WDR25: variants seen among roughly 807,000 people sequenced by gnomAD.
The protein encoded by WDR25 is WD repeat domain 25, also known as WD repeat-containing protein 25.
A neutral mutation model predicts 47.7 loss-of-function variants in WDR25; 35 were observed. That is an observed-to-expected ratio of 0.73 (90% CI 0.56 to 0.97). The LOEUF (loss-of-function observed/expected upper bound fraction) is 0.97. Among genes scored for constraint, WDR25 ranks in the 50% least tolerant of loss-of-function variants. WDR25 has a pLI of 0.00. For synonymous variants in WDR25, 248 were observed against 278.9 expected, an observed-to-expected ratio of 0.89 and a Z score of 1.10; for missense variants, 634 against 704.7, an observed-to-expected ratio of 0.90 and a Z score of 1.14.
intron 2 of WDR25, among the ~76,000 whole-genome samples, chr14:100,435,823 G>A (rs1204946909): frequency 6.6e-6 from 1 of 152,204 alleles, no homozygotes; most frequent in East Asian, 1.9e-4. Context: ...ACACAGTGCT[G>A]TGGATCACCT....
At position 100,473,496 on chromosome 14, in the gene WDR25, C is replaced by T. The variant is rs112684850; in HGVS notation, c.970+5328C>T. 3.9e-5 allele frequency among the ~76,000 whole-genome samples: 6 copies of T among 152,322 alleles called. 1 individual carries two copies. Among genetic ancestry groups the T allele is most frequent in the African/African-American group, 1.4e-4 (6 of 41,562 alleles). On this transcript the variant is annotated intron_variant, in intron 3 of 6. Transcript: ENST00000402312. ...CCTGACTCCTGGGGAGCCTGCTGGG[C>T]AGCAGCTGGCCACCTGCAGAGGATA...
Position 100,530,189 on chromosome 14 carries a change from G to T in WDR25, c.*148G>T. On this transcript the variant is annotated 3_prime_UTR_variant, in exon 7 of 7. Transcript: ENST00000402312. Reference sequence around the variant, plus strand: ...TCAGTTTCCTCATCTGTAAAGTGGGGAGAAAAGTCTGTTTGCCTCAGGAGT... The same window carrying T: ...TCAGTTTCCTCATCTGTAAAGTGGGTAGAAAAGTCTGTTTGCCTCAGGAGT... The T allele has an allele frequency of 1.2e-6, 1 of 831,552 alleles. No homozygotes were observed. Among genetic ancestry groups the T allele is most frequent in the East Asian group, 2.7e-5 (1 of 37,090 alleles). The allele number at this position is 831,552 out of a possible 1,614,324, so 51.5% of individuals were successfully genotyped here. A position where few individuals can be genotyped will look rare whatever the true frequency, so the allele number is the denominator to read the frequency against.
chr14:100,450,780 A>G (rs984239285), intron 2 of WDR25, among the ~76,000 whole-genome samples: 6 of 152,194 alleles, frequency 3.9e-5, no homozygotes, highest in Admixed American at 2.6e-4. Flanking sequence ...ATGTCTTAGG[A>G]TAAGAGAGTA....
intron 2 of WDR25, among the ~76,000 whole-genome samples, chr14:100,422,370 GCT>G (rs1898050432): frequency 6.6e-6 from 1 of 152,142 alleles, no homozygotes; most frequent in African/African-American, 2.4e-5. Flanking sequence ...AAACCAGATT[GCT>G]CTGTGACCCA....
chr14:100,390,757 T>TG (rs1261915532), intron 2 of WDR25, among the ~76,000 whole-genome samples: 1 of 152,146 alleles, frequency 6.6e-6, no homozygotes, highest in Non-Finnish European at 1.5e-5. Context: ...CCGCTCTTTT[T>TG]GGGGGCTGTG....
At position 100,428,055 on chromosome 14, in the gene WDR25, T is replaced by C. The variant is rs1159208318; in HGVS notation, c.823-39966T>C. On this transcript the variant is annotated intron_variant, in intron 2 of 6. Coordinates refer to ENST00000402312, the MANE Select transcript of WDR25 (RefSeq NM_001161476.3). The surrounding 1 kb of genome is among the most constrained non-coding windows in gnomAD (Gnocchi z 4.3). ...GAGACCCTAACACGCTCCCTTTCCT[T>C]TCCTTTTTGAGGGAAGCCAGGTTCC... 6.6e-6 allele frequency among the ~76,000 whole-genome samples: 1 copy of C among 152,236 alleles called. No individual in the cohort carries two copies. The highest frequency in any genetic ancestry group is 1.5e-5 in the Non-Finnish European group (1 of 68,032).
At position 100,488,847 on chromosome 14, in the gene WDR25, T is replaced by G. The variant is rs565088730; in HGVS notation, c.1101+4723T>G. Reference sequence around the variant, plus strand: ...ACGATCACTCTTGATCTGTGGGCACTTTTATCCACAGGTGTTTATTTACAG... The same window carrying G: ...ACGATCACTCTTGATCTGTGGGCACGTTTATCCACAGGTGTTTATTTACAG... On this transcript the variant is annotated intron_variant, in intron 4 of 6. Coordinates refer to ENST00000402312, the MANE Select transcript of WDR25 (RefSeq NM_001161476.3). The surrounding 1 kb of genome is among the most constrained non-coding windows in gnomAD (Gnocchi z 4.2). Among the ~76,000 whole-genome samples the G allele has an allele frequency of 8.5e-5, 13 of 152,354 alleles. No individual in the cohort carries two copies. The East Asian group carries it at 2.3e-3, about 27-fold the overall frequency.
intron 2 of WDR25, among the ~76,000 whole-genome samples, chr14:100,448,794 G>T (rs140840452): frequency 4.6e-5 from 7 of 152,216 alleles, no homozygotes; most frequent in Admixed American, 3.3e-4. Context: ...CTACCTAGCT[G>T]CATGGAGACC....
chr14:100,401,293 C>A (rs915788419), intron 2 of WDR25, among the ~76,000 whole-genome samples: 5 of 152,170 alleles, frequency 3.3e-5, no homozygotes, highest in Non-Finnish European at 7.4e-5. Context: ...CTCGTGGTCT[C>A]AGTCCACATC....
At chr14:100,443,017 G>C (rs534411532) in intron 2 of WDR25, among the ~76,000 whole-genome samples, 106 of 152,362 alleles carry the variant, frequency 7.0e-4, no homozygotes, top group African/African-American at 2.5e-3. Context: ...CGCACTGCTC[G>C]GCAGGCCCCA....
At position 100,529,478 on chromosome 14, in the gene WDR25, T is replaced by G; in HGVS notation, c.1413+270T>G. 1.7e-6 allele frequency: 1 copy of G among 594,428 alleles called. No individual in the cohort carries two copies. Among genetic ancestry groups the G allele is most frequent in the Non-Finnish European group, 3.0e-6 (1 of 336,752 alleles). The allele number at this position is 594,428 out of a possible 1,614,324, so 36.8% of individuals were successfully genotyped here. A position where few individuals can be genotyped will look rare whatever the true frequency, so the allele number is the denominator to read the frequency against. On this transcript the variant is annotated intron_variant, in intron 6 of 6. Coordinates refer to ENST00000402312, the MANE Select transcript of WDR25 (RefSeq NM_001161476.3). The surrounding 1 kb of genome is among the most constrained non-coding windows in gnomAD (Gnocchi z 5.1). Reference sequence around the variant, plus strand: ...AGTGGGGGGCAGGAACAGGACAAAATGGTCATGGGTGTCATTTCTGCATCC... The same window carrying G: ...AGTGGGGGGCAGGAACAGGACAAAAGGGTCATGGGTGTCATTTCTGCATCC...
At position 100,424,114 on chromosome 14, in the gene WDR25, C is replaced by G. The variant is rs1196255884; in HGVS notation, c.822+42368C>G. On this transcript the variant is annotated intron_variant, in intron 2 of 6. Coordinates refer to ENST00000402312, the MANE Select transcript of WDR25 (RefSeq NM_001161476.3). The surrounding 1 kb of genome is among the most constrained non-coding windows in gnomAD (Gnocchi z 4.2). Reference sequence around the variant, plus strand: ...CTGTACCAACCAGATTGGGTATAAACAAGGCATTCATTACCTGTTGTTTTA... The same window carrying G: ...CTGTACCAACCAGATTGGGTATAAAGAAGGCATTCATTACCTGTTGTTTTA... Among the ~76,000 whole-genome samples, 1 of 152,212 alleles carries G rather than the reference C, an allele frequency of 6.6e-6. No homozygotes were observed. Among genetic ancestry groups the G allele is most frequent in the East Asian group, 1.9e-4 (1 of 5,186 alleles).
chr14:100,400,199 ATG>A lies in WDR25; in HGVS notation c.822+18459_822+18460del, dbSNP rs112309744. On this transcript the variant is annotated intron_variant, in intron 2 of 6. Coordinates refer to ENST00000402312, the MANE Select transcript of WDR25 (RefSeq NM_001161476.3). ...GCTTTTTAAGTGACAGAGCTGGGGCATGTGTGTCCTGTACCGCAGTGACATTC... is the reference window on the plus strand; with the variant it reads ...GCTTTTTAAGTGACAGAGCTGGGGCATGTGTCCTGTACCGCAGTGACATTC... Among the ~76,000 whole-genome samples the A allele has an allele frequency of 2.3e-3, 352 of 152,342 alleles. 3 individuals are homozygous for A. Among genetic ancestry groups the A allele is most frequent in the African/African-American group, 8.1e-3 (336 of 41,578 alleles).
chr14:100,462,207 G>A (rs572967705), intron 2 of WDR25, among the ~76,000 whole-genome samples: 4 of 152,282 alleles, frequency 2.6e-5, no homozygotes, highest in South Asian at 2.1e-4. Context: ...ATATGGCACC[G>A]ACAAGTGACT....
intron 2 of WDR25, among the ~76,000 whole-genome samples, chr14:100,414,914 A>G (rs1897827996): frequency 6.6e-6 from 1 of 151,854 alleles, no homozygotes. Context: ...AAAAAAAAAA[A>G]AAAGAAGAAA....
At chr14:100,420,326 G>A (rs1254894530) in intron 2 of WDR25, among the ~76,000 whole-genome samples, 3 of 151,422 alleles carry the variant, frequency 2.0e-5, no homozygotes, top group Non-Finnish European at 2.9e-5. Flanking sequence ...TTTTTTTATC[G>A]TTCTATAGGG....
At position 100,425,236 on chromosome 14, in the gene WDR25, C is replaced by G. The variant is rs1898134614; in HGVS notation, c.823-42785C>G. On this transcript the variant is annotated intron_variant, in intron 2 of 6. Coordinates refer to ENST00000402312, the MANE Select transcript of WDR25 (RefSeq NM_001161476.3). The surrounding 1 kb of genome is among the most constrained non-coding windows in gnomAD (Gnocchi z 4.8). ...GTCCTTGGAGGCTGGTTGTGTCAGC[C>G]CTTCTCCATCCTACCTCCCTTAATG... is the stretch of plus-strand genomic sequence containing the variant. 6.6e-6 allele frequency among the ~76,000 whole-genome samples: 1 copy of G among 152,172 alleles called. No individual in the cohort carries two copies. Among genetic ancestry groups the G allele is most frequent in the Non-Finnish European group, 1.5e-5 (1 of 68,036 alleles).
chr14:100,439,812 A>G (rs6575779), intron 2 of WDR25, among the ~76,000 whole-genome samples: 7,361 of 152,322 alleles, frequency 0.048, 571 homozygotes, highest in African/African-American at 0.17. Flanking sequence ...AATATAATAA[A>G]TGTTATCTTG....
intron 2 of WDR25, among the ~76,000 whole-genome samples, chr14:100,383,083 G>A (rs1595486036): frequency 6.6e-6 from 1 of 152,214 alleles, no homozygotes; most frequent in Non-Finnish European, 1.5e-5. Context: ...GAAGCTCCAA[G>A]TATAGAGATG....
Sources: gnomAD v4.1 joint callset for allele counts (sites outside exome capture counted in the v4.1 genomes callset) on GRCh38, gnomAD v4.1.1 for gene constraint, Gnocchi (gnomAD v3.1) non-coding constraint, MANE v1.5 for transcripts, NCBI Gene and HGNC (gene_info 2026-07-23, HGNC 2026-07-21) for gene names.